SUPT3H: variants seen among roughly 807,000 people sequenced by gnomAD.
SUPT3H encodes SPT3 homolog, SAGA and STAGA complex component.
A neutral mutation model predicts 44.3 loss-of-function variants in SUPT3H; 44 were observed. The ratio of observed to expected loss-of-function variants is 0.99; its 90% CI spans 0.78 to 1.28. The LOEUF (loss-of-function observed/expected upper bound fraction) is 1.28, where lower values mean the gene tolerates loss of function less well. SUPT3H is among the 50% of genes most tolerant of loss of function. The pLI is 0.00. For synonymous variants in SUPT3H, 124 were observed against 125.6 expected (o/e 0.99, Z 0.09); for missense variants, 380 against 387.1 (o/e 0.98, Z 0.15).
intron 2 of SUPT3H, among the ~76,000 whole-genome samples, chr6:45,318,814 G>A (rs1175044131): frequency 1.3e-5 from 2 of 151,958 alleles, no homozygotes; most frequent in Non-Finnish European, 2.9e-5. Context: ...AGTACCAAGA[G>A]ATAGTGAAAT....
chr6:44,997,814 T>C (rs1474823626), intron 6 of SUPT3H, among the ~76,000 whole-genome samples: 1 of 151,870 alleles, frequency 6.6e-6, no homozygotes, highest in Non-Finnish European at 1.5e-5. Context: ...GACTTTTCTA[T>C]ATCTAGTTTA....
intron 4 of SUPT3H, among the ~76,000 whole-genome samples, chr6:45,015,472 T>C (rs1326054223): frequency 6.6e-6 from 1 of 152,064 alleles, no homozygotes; most frequent in East Asian, 1.9e-4. Flanking sequence ...GCAAGTGAAT[T>C]TGAGGGCCTA....
intron 10 of SUPT3H, among the ~76,000 whole-genome samples, chr6:44,848,827 T>C (rs1173211912): frequency 1.3e-5 from 2 of 152,230 alleles, no homozygotes; most frequent in Admixed American, 6.5e-5. Flanking sequence ...CGTGGTTCAA[T>C]GACAGACTCA....
intron 9 of SUPT3H, among the ~76,000 whole-genome samples, chr6:44,944,122 T>C (rs1490236217): frequency 2.6e-5 from 4 of 152,182 alleles, no homozygotes; most frequent in African/African-American, 9.6e-5. Flanking sequence ...GTAGTATGCA[T>C]GACAATTATA....
At chr6:45,233,900 C>T (rs1768564787) in intron 2 of SUPT3H, among the ~76,000 whole-genome samples, 1 of 152,072 alleles carries the variant, frequency 6.6e-6, no homozygotes, top group Admixed American at 6.5e-5. Context: ...TATAAATTAC[C>T]TTAAAAATAG....
chr6:45,177,650 T>G (rs1812225868), intron 2 of SUPT3H, among the ~76,000 whole-genome samples: 1 of 150,434 alleles, frequency 6.6e-6, no homozygotes, highest in Non-Finnish European at 1.5e-5. Flanking sequence ...AAGGAAAAAA[T>G]GTTAAGGGCA....
At chr6:45,208,907 T>G (rs1355620568) in intron 2 of SUPT3H, among the ~76,000 whole-genome samples, 4 of 151,256 alleles carry the variant, frequency 2.6e-5, no homozygotes, top group African/African-American at 9.7e-5. Context: ...TAGGGGCTCA[T>G]GAGGCTGATG....
At chr6:45,146,850 T>G (rs1806165670) in intron 2 of SUPT3H, among the ~76,000 whole-genome samples, 1 of 152,090 alleles carries the variant, frequency 6.6e-6, no homozygotes, top group African/African-American at 2.4e-5. Flanking sequence ...GAGAATGGTA[T>G]AAGCAAAGAT....
At chr6:45,304,070 T>C (rs954771033) in intron 2 of SUPT3H, among the ~76,000 whole-genome samples, 10 of 152,158 alleles carry the variant, frequency 6.6e-5, no homozygotes, top group African/African-American at 2.4e-4. Context: ...GCTAAATATG[T>C]TGGCAGATGA....
At chr6:45,041,675 TTTC>T (rs1481810304) in intron 3 of SUPT3H, among the ~76,000 whole-genome samples, 1 of 152,238 alleles carries the variant, frequency 6.6e-6, no homozygotes, top group African/African-American at 2.4e-5. Flanking sequence ...ACATGCCATT[TTTC>T]TTACCTTCCA....
chr6:44,816,267 A>G (rs1478226283), intron 11 of SUPT3H, among the ~76,000 whole-genome samples: 3 of 152,190 alleles, frequency 2.0e-5, no homozygotes, highest in African/African-American at 7.2e-5. Flanking sequence ...CAAATTGCCA[A>G]TCTTAGGAAT....
intron 6 of SUPT3H, among the ~76,000 whole-genome samples, chr6:44,979,721 C>A (rs143276916): frequency 2.0e-5 from 3 of 151,966 alleles, no homozygotes; most frequent in Non-Finnish European, 4.4e-5. Flanking sequence ...AAAAAAAGTT[C>A]GTTTTACATC....
intron 10 of SUPT3H, among the ~76,000 whole-genome samples, chr6:44,861,836 G>T (rs184990980): frequency 6.6e-6 from 1 of 152,312 alleles, no homozygotes; most frequent in East Asian, 1.9e-4. Context: ...TGGAAGTTCT[G>T]TGTTTTCCAC....
chr6:45,061,858 C>CG (rs1792117700), intron 3 of SUPT3H, among the ~76,000 whole-genome samples: 1 of 145,998 alleles, frequency 6.8e-6, no homozygotes, highest in Non-Finnish European at 1.5e-5. Context: ...ACCCCAAAAT[C>CG]AATTGTGGTA....
chr6:45,254,971 T>C (rs1773089421), intron 2 of SUPT3H, among the ~76,000 whole-genome samples: 1 of 152,254 alleles, frequency 6.6e-6, no homozygotes, highest in South Asian at 2.1e-4. Flanking sequence ...ACTCAGCAGC[T>C]ATATAGTTTA....
At chr6:44,974,321 GTGTGTT>G (rs71783921) in intron 6 of SUPT3H, among the ~76,000 whole-genome samples, 9,337 of 151,800 alleles carry the variant, frequency 0.062, 404 homozygotes, top group Non-Finnish European at 0.09. Context: ...TATAAATTGT[GTGTGTT>G]TGTGTTTGTG....
In SUPT3H at chr6:44,827,664, T is replaced by G. The variant is rs1767916123; in HGVS notation, c.*2152A>C. On this transcript the variant is annotated 3_prime_UTR_variant, in exon 11 of 11. Transcript: ENST00000371459. ...TCTATAGTCACTGCTGAAGGAAGTT[T>G]TATTTCACTTCAAATTTAGTATTGT... Among the ~76,000 whole-genome samples, 1 of 152,122 alleles carries G rather than the reference T, an allele frequency of 6.6e-6. No homozygotes were observed. Among genetic ancestry groups the G allele is most frequent in the Non-Finnish European group, 1.5e-5 (1 of 67,974 alleles).
At chr6:45,267,137 A>T (rs1775391076) in intron 2 of SUPT3H, among the ~76,000 whole-genome samples, 1 of 152,124 alleles carries the variant, frequency 6.6e-6, no homozygotes, top group Admixed American at 6.6e-5. Flanking sequence ...CAAACTCAAA[A>T]TCCAAAATAC....
At chr6:45,221,108 C>G (rs1266046228) in intron 2 of SUPT3H, among the ~76,000 whole-genome samples, 1 of 152,084 alleles carries the variant, frequency 6.6e-6, no homozygotes, top group African/African-American at 2.4e-5. Flanking sequence ...TTATTCTGAG[C>G]AAACTATCAC....
Sources: allele counts gnomAD v4.1 joint callset (sites outside exome capture counted in the v4.1 genomes callset), GRCh38; gene constraint gnomAD v4.1.1; transcripts MANE v1.5; gene names NCBI Gene and HGNC (gene_info 2026-07-23, HGNC 2026-07-21).